The following ADAMTS16 variants were observed in gnomAD, a reference collection of about 807,000 sequenced individuals.
ADAMTS16 encodes ADAM metallopeptidase with thrombospondin type 1 motif 16.
In ADAMTS16, 94 loss-of-function variants were observed where a neutral mutation model predicts 145.8. The ratio of observed to expected loss-of-function variants is 0.64; its 90% CI spans 0.55 to 0.77. The LOEUF is 0.77. Ranked by LOEUF, ADAMTS16 falls within the 30% of genes least tolerant of loss-of-function variation. The pLI is 0.00. For missense variants in ADAMTS16, 1,585 were observed against 1,591.5 expected, an observed-to-expected ratio of 1.00 and a Z score of 0.07; for synonymous variants, 659 against 604.3, an observed-to-expected ratio of 1.09 and a Z score of -1.33.
chr5:5,315,100 A>G (rs1733997368), intron 21 of ADAMTS16, among the ~76,000 whole-genome samples: 1 of 152,190 alleles, frequency 6.6e-6, no homozygotes. Context: ...ACTTACAATC[A>G]TGGTGGAATG....
chr5:5,202,430 C>T (rs1430522020), intron 9 of ADAMTS16, among the ~76,000 whole-genome samples: 2 of 152,124 alleles, frequency 1.3e-5, no homozygotes, highest in East Asian at 1.9e-4. Flanking sequence ...CTACAACTGA[C>T]ATGATGCATA....
At chr5:5,190,616 T>C in intron 7 of ADAMTS16, among the ~76,000 whole-genome samples, 1 of 152,108 alleles carries the variant, frequency 6.6e-6, no homozygotes, top group African/African-American at 2.4e-5. Context: ...TCTTTCCGGA[T>C]GGTCTGTGTA....
At chr5:5,183,441 C>T (rs910691562) in intron 4 of ADAMTS16, among the ~76,000 whole-genome samples, 1 of 152,248 alleles carries the variant, frequency 6.6e-6, no homozygotes, top group Admixed American at 6.5e-5. Flanking sequence ...GCTGCCAGGG[C>T]TCACGGTGTG....
At chr5:5,309,175 T>G (rs545633317) in intron 21 of ADAMTS16, among the ~76,000 whole-genome samples, 2 of 152,324 alleles carry the variant, frequency 1.3e-5, no homozygotes, top group South Asian at 2.1e-4. Context: ...AAGTTCCTGA[T>G]AGAAGATGGC....
chr5:5,275,656 C>A (rs1443099352), intron 18 of ADAMTS16, among the ~76,000 whole-genome samples: 1 of 152,090 alleles, frequency 6.6e-6, no homozygotes, highest in Non-Finnish European at 1.5e-5. Flanking sequence ...TAAGTAATGA[C>A]CATCCTTATT....
intron 18 of ADAMTS16, among the ~76,000 whole-genome samples, chr5:5,268,264 T>C (rs1160520423): frequency 7.2e-5 from 11 of 152,164 alleles, no homozygotes; most frequent in Admixed American, 7.2e-4. Flanking sequence ...CTAAACCACA[T>C]TTGTATGTTC....
intron 10 of ADAMTS16, among the ~76,000 whole-genome samples, chr5:5,217,219 T>A (rs1736462766): frequency 6.6e-6 from 1 of 151,826 alleles, no homozygotes; most frequent in African/African-American, 2.4e-5. Context: ...ATTAAAGACT[T>A]AAACATTAGA....
rs1734203719 is a variant in ADAMTS16 at position 5,319,603 on chromosome 5, C to G, written c.*465C>G. ...CCACTAGGAGGGCCCCTCGAGCCAT[C>G]AGGAGTGACCAACTTCCTGGGTGGA... On this transcript the variant is annotated 3_prime_UTR_variant, in exon 23 of 23. Transcript: ENST00000274181. 3.0e-6 allele frequency: 1 copy of G among 329,208 alleles called. No individual in the cohort carries two copies. The highest frequency in any genetic ancestry group is 5.8e-6 in the Non-Finnish European group (1 of 171,238). 20.4% of individuals were successfully genotyped at this position (329,208 alleles called of 1,614,324 possible).
At chr5:5,181,529 A>G (rs1190359028) in intron 3 of ADAMTS16, among the ~76,000 whole-genome samples, 1 of 152,162 alleles carries the variant, frequency 6.6e-6, no homozygotes, top group Non-Finnish European at 1.5e-5. Flanking sequence ...AACAATTTTT[A>G]TGCTTTCCTC....
At chr5:5,168,101 C>T (rs1438484222) in intron 3 of ADAMTS16, among the ~76,000 whole-genome samples, 1 of 152,140 alleles carries the variant, frequency 6.6e-6, no homozygotes, top group East Asian at 1.9e-4. Flanking sequence ...AATATAACTA[C>T]AAATGCAACA....
intron 10 of ADAMTS16, among the ~76,000 whole-genome samples, chr5:5,209,702 G>C (rs147996364): frequency 1.3e-5 from 2 of 152,042 alleles, no homozygotes; most frequent in East Asian, 3.9e-4. Flanking sequence ...GTCTCTCATA[G>C]AAGGTAATAC....
Position 5,186,184 on chromosome 5 carries a change from A to G in ADAMTS16, c.896A>G (p.Asp299Gly). 1.2e-6 allele frequency: 2 copies of G among 1,613,302 alleles called. No individual in the cohort carries two copies. The highest frequency in any genetic ancestry group is 1.7e-6 in the Non-Finnish European group (2 of 1,179,790). Residue 299 changes from aspartate to glycine, a missense_variant, in exon 5 of 23, where the codon GAC (aspartate) becomes GGC (glycine). This residue lies in a region of ADAMTS16 where 453 missense variants were observed against 412.1 expected (regional missense o/e 1.10). Coordinates refer to ENST00000274181, the MANE Select transcript of ADAMTS16 (RefSeq NM_139056.4). ...ELNVETLVVV[D>G]KKMMQNHGHE... ...AACGTGGAGACCTTGGTGGTGGTCG[A>G]CAAAAAGATGATGCAAAACCATGGC...
intron 18 of ADAMTS16, among the ~76,000 whole-genome samples, chr5:5,295,882 G>A (rs1327931749): frequency 1.3e-5 from 2 of 152,216 alleles, no homozygotes; most frequent in African/African-American, 2.4e-5. Context: ...GCAGAAGAAT[G>A]TTTGTAACCT....
At chr5:5,174,354 TC>T (rs1579288566) in intron 3 of ADAMTS16, among the ~76,000 whole-genome samples, 1 of 152,118 alleles carries the variant, frequency 6.6e-6, no homozygotes, top group African/African-American at 2.4e-5. Flanking sequence ...TTTTTTCTTT[TC>T]TCTTGTTGCT....
intron 13 of ADAMTS16, among the ~76,000 whole-genome samples, chr5:5,236,015 G>A (rs1737094806): frequency 6.6e-6 from 1 of 152,164 alleles, no homozygotes; most frequent in Admixed American, 6.5e-5. Context: ...CTGTACAAAT[G>A]TAGCCAGTAT....
chr5:5,189,499 C>A (rs1289731181), intron 6 of ADAMTS16, among the ~76,000 whole-genome samples: 1 of 152,186 alleles, frequency 6.6e-6, no homozygotes, highest in Non-Finnish European at 1.5e-5. Flanking sequence ...TTTAATTTAA[C>A]ACTATAATAA....
chr5:5,277,270 C>T (rs1403927845), intron 18 of ADAMTS16, among the ~76,000 whole-genome samples: 2 of 152,192 alleles, frequency 1.3e-5, no homozygotes, highest in African/African-American at 2.4e-5. Context: ...ACCAAGACAG[C>T]TTTTATCAGG....
chr5:5,264,095 G>T lies in ADAMTS16; in HGVS notation c.2789+1312G>T, dbSNP rs559776324. ...GAGCCTGGGGTCTTTAGAGGCACAG[G>T]ATGGGGGCCGGCCAGGCCATATGTA... On this transcript the variant is annotated intron_variant, in intron 18 of 22. Transcript: ENST00000274181. 1.6e-4 allele frequency among the ~76,000 whole-genome samples: 24 copies of T among 152,288 alleles called. No individual in the cohort carries two copies. The East Asian group carries it at 4.1e-3, about 26-fold the overall frequency.
intron 14 of ADAMTS16, among the ~76,000 whole-genome samples, chr5:5,238,059 A>T (rs1437376837): frequency 6.6e-6 from 1 of 152,138 alleles, no homozygotes; most frequent in East Asian, 1.9e-4. Flanking sequence ...ATCCACTGAG[A>T]TCCTTAGTGT....
Sources: gnomAD v4.1 joint callset for allele counts (sites outside exome capture counted in the v4.1 genomes callset) on GRCh38, gnomAD v4.1.1 for gene constraint, gnomAD v4.1.1 regional missense constraint, MANE v1.5 for transcripts, NCBI Gene and HGNC (gene_info 2026-07-23, HGNC 2026-07-21) for gene names.